The following FKBP5 variants were observed in gnomAD, a reference collection of about 807,000 sequenced individuals.
FKBP5 encodes the protein peptidyl-prolyl cis-trans isomerase FKBP5.
In FKBP5, 23 loss-of-function variants were observed where a neutral mutation model predicts 50.5. The ratio of observed to expected loss-of-function variants is 0.46; its 90% confidence interval spans 0.33 to 0.65. The LOEUF (loss-of-function observed/expected upper bound fraction) is 0.65. FKBP5 is among the 30% of genes least tolerant of loss of function. FKBP5 has a pLI of 0.02. For synonymous variants in FKBP5, 176 were observed against 190.6 expected, an observed-to-expected ratio of 0.92 and a Z score of 0.63; for missense variants, 411 against 553.1, an observed-to-expected ratio of 0.74 and a Z score of 2.58.
At chr6:35,687,861 T>G (rs1180955480) in intron 1 of FKBP5, among the ~76,000 whole-genome samples, 1 of 152,222 alleles carries the variant, frequency 6.6e-6, no homozygotes, top group Non-Finnish European at 1.5e-5. Flanking sequence ...AACCCGATTT[T>G]AGAGACTACG....
In FKBP5 at chr6:35,680,482, T is replaced by C. The variant is rs188184941; in HGVS notation, c.-20+8322A>G. 1.9e-3 allele frequency among the ~76,000 whole-genome samples: 288 copies of C among 152,320 alleles called. 3 individuals are homozygous for C. The highest frequency in any genetic ancestry group is 6.7e-3 in the African/African-American group (278 of 41,576). On this transcript the variant is annotated intron_variant, in intron 1 of 10. Transcript: ENST00000357266. ...CCATTAATTATGCCTAATACTAAAT[T>C]GTAATGAACACATACTAAAAATTAC...
intron 1 of FKBP5, chr6:35,651,824 C>A: frequency 1.7e-6 from 1 of 592,248 alleles, no homozygotes; most frequent in Non-Finnish European, 2.5e-6. Context: ...ATACTGTATA[C>A]TACACTGTTT....
intron 1 of FKBP5, among the ~76,000 whole-genome samples, chr6:35,686,262 TTAAAG>T (rs1368646585): frequency 6.6e-6 from 1 of 152,066 alleles, no homozygotes; most frequent in African/African-American, 2.4e-5. Context: ...CTATTACAAG[TTAAAG>T]TAGAGAAAAA....
chr6:35,662,815 C>T (rs1014283628), intron 1 of FKBP5, among the ~76,000 whole-genome samples: 12 of 152,174 alleles, frequency 7.9e-5, no homozygotes, highest in Admixed American at 7.2e-4. Flanking sequence ...GAATCCTACA[C>T]ACCATGAATA....
intron 6 of FKBP5, among the ~76,000 whole-genome samples, chr6:35,595,180 C>T (rs1762950158): frequency 6.6e-6 from 1 of 152,166 alleles, no homozygotes; most frequent in Non-Finnish European, 1.5e-5. Context: ...AATGATACAA[C>T]AAACAGTTTA....
chr6:35,673,317 G>A (rs1233264113), intron 1 of FKBP5, among the ~76,000 whole-genome samples: 1 of 152,154 alleles, frequency 6.6e-6, no homozygotes, highest in Non-Finnish European at 1.5e-5. Flanking sequence ...TGGGAGGCCA[G>A]GGCAGGCAGA....
intron 5 of FKBP5, among the ~76,000 whole-genome samples, chr6:35,600,728 C>T (rs1364916322): frequency 6.6e-6 from 1 of 152,084 alleles, no homozygotes; most frequent in Non-Finnish European, 1.5e-5. Flanking sequence ...AGGAAATTAT[C>T]AGTACATTTG....
At position 35,615,124 on chromosome 6, in the gene FKBP5, AAAC is replaced by A. The variant is rs534273489; in HGVS notation, c.508+3969_508+3971del. 7.1e-3 allele frequency among the ~76,000 whole-genome samples: 1,060 copies of A among 148,262 alleles called. 11 individuals carry two copies. The highest frequency in any genetic ancestry group is 0.022 in the African/African-American group (897 of 39,880). On this transcript the variant is annotated intron_variant, in intron 5 of 10. Transcript: ENST00000357266. ...GGGCGACAGAGTGAGACTCTGTCGCAAACAACAACAACAACAACAACAACAACA... is the reference window on the plus strand; with the variant it reads ...GGGCGACAGAGTGAGACTCTGTCGCAAACAACAACAACAACAACAACAACA...
At chr6:35,598,684 A>G (rs1763056091) in intron 5 of FKBP5, among the ~76,000 whole-genome samples, 1 of 152,188 alleles carries the variant, frequency 6.6e-6, no homozygotes, top group Non-Finnish European at 1.5e-5. Flanking sequence ...TTTCATAAGA[A>G]AATCCTGACT....
chr6:35,711,945 T>C (rs147446513), intron 2 of FKBP5, among the ~76,000 whole-genome samples: 4 of 151,432 alleles, frequency 2.6e-5, no homozygotes, highest in African/African-American at 7.3e-5. Flanking sequence ...GGTGCAATCA[T>C]AGTTCACTGT....
chr6:35,663,753 A>G (rs186245722), intron 1 of FKBP5, among the ~76,000 whole-genome samples: 217 of 152,238 alleles, frequency 1.4e-3, no homozygotes, highest in African/African-American at 4.8e-3. Context: ...ACCTTTTCTT[A>G]TCAGAGTTGT....
chr6:35,611,298 A>G (rs1475636176), intron 5 of FKBP5, among the ~76,000 whole-genome samples: 1 of 152,050 alleles, frequency 6.6e-6, no homozygotes, highest in Non-Finnish European at 1.5e-5. Flanking sequence ...AGATTTGGAG[A>G]GGGAAAGGAG....
chr6:35,722,741 T>C (rs1291016279), intron 1 of FKBP5, among the ~76,000 whole-genome samples: 10 of 152,154 alleles, frequency 6.6e-5, no homozygotes, highest in Admixed American at 6.5e-4. Flanking sequence ...GGCCAATTCC[T>C]CTCTCCCTGA....
At chr6:35,654,904 C>T (rs1764908127) in intron 1 of FKBP5, among the ~76,000 whole-genome samples, 2 of 152,204 alleles carry the variant, frequency 1.3e-5, no homozygotes, top group African/African-American at 2.4e-5. Flanking sequence ...GTTATGGCAG[C>T]AGCTGGGTCC....
chr6:35,667,574 TAAAC>T (rs1765267109), intron 1 of FKBP5, among the ~76,000 whole-genome samples: 1 of 152,176 alleles, frequency 6.6e-6, no homozygotes, highest in Admixed American at 6.5e-5. Flanking sequence ...CTCTTTCAAA[TAAAC>T]AAATAAGAAG....
At chr6:35,600,602 A>G (rs1287712821) in intron 5 of FKBP5, among the ~76,000 whole-genome samples, 1 of 152,004 alleles carries the variant, frequency 6.6e-6, no homozygotes, top group Non-Finnish European at 1.5e-5. Flanking sequence ...GAATGTCTCA[A>G]GTATAGAGAT....
At chr6:35,580,422 G>T (rs1206580575) in intron 8 of FKBP5, 2 of 537,490 alleles carry the variant, frequency 3.7e-6, no homozygotes, top group East Asian at 3.0e-5. Flanking sequence ...GGCAGTGCCT[G>T]AGCACTGCCT....
intron 1 of FKBP5, among the ~76,000 whole-genome samples, chr6:35,664,465 C>T (rs1581863748): frequency 1.3e-5 from 2 of 152,108 alleles, no homozygotes; most frequent in East Asian, 1.9e-4. Context: ...ATGCCACTCC[C>T]GGAGGAAGAA....
intron 7 of FKBP5, 56 bp downstream of exon 7, chr6:35,591,074 G>C (rs1762806329): frequency 6.2e-6 from 7 of 1,122,934 alleles, no homozygotes; most frequent in Non-Finnish European, 9.4e-6. Context: ...CTGATTTATA[G>C]GAAGTGGATG....
Sources: allele counts gnomAD v4.1 joint callset (sites outside exome capture counted in the v4.1 genomes callset), GRCh38; gene constraint gnomAD v4.1.1; transcripts MANE v1.5; gene names NCBI Gene and HGNC (gene_info 2026-07-23, HGNC 2026-07-21).